SYNPO2: variants seen among roughly 807,000 people sequenced by gnomAD.
SYNPO2 encodes the protein synaptopodin-2.
SYNPO2 carries 56 observed loss-of-function variants against 85.0 expected under a neutral mutation model. The ratio of observed to expected loss-of-function variants is 0.66; its 90% confidence interval spans 0.53 to 0.82. The LOEUF (loss-of-function observed/expected upper bound fraction) is 0.82. Ranked by LOEUF, SYNPO2 falls within the 40% of genes least tolerant of loss-of-function variation. The probability of loss-of-function intolerance (pLI) is 0.00; values close to 1 mark genes in which losing one functional copy is unlikely to be tolerated. For synonymous variants in SYNPO2, 602 were observed against 591.1 expected, an observed-to-expected ratio of 1.02 and a Z score of -0.27; for missense variants, 1,575 against 1,534.2, an observed-to-expected ratio of 1.03 and a Z score of -0.44.
At chr4:118,900,729 ATATG>A (rs1430188555) in intron 1 of SYNPO2, among the ~76,000 whole-genome samples, 3 of 93,956 alleles carry the variant, frequency 3.2e-5, no homozygotes, top group African/African-American at 7.8e-5. Flanking sequence ...ATATATATAT[ATATG>A]TCTGTCTGTC....
rs765339636 is a variant in SYNPO2 at position 119,057,642 on chromosome 4, G to A, written c.3494G>A (p.Arg1165Gln). 16 of 1,613,976 alleles carry A rather than the reference G, an allele frequency of 9.9e-6. No homozygotes were observed. Among genetic ancestry groups the A allele is most frequent in the South Asian group, 6.6e-5 (6 of 91,070 alleles). The stretch of plus-strand genomic sequence containing the variant: ...GTGGCAAATGTGGTTTCAGCAGCTC[G>A]GAGGAAGGTGCTTCCAGGGCCTCCA... ...SIVANVVSAA[R>Q]RKVLPGPPED... The change falls in exon 5 of 5, where the codon CGG (arginine) becomes CAG (glutamine). Residue 1165 changes from arginine (R) to glutamine (Q), a missense_variant. Physicochemically the swap from Arg to Gln is conservative, Grantham distance 43. This residue lies in a region of SYNPO2 where 1,508 missense variants were observed against 1,446.8 expected (regional missense o/e 1.04). Transcript: ENST00000307142.
chr4:118,988,314 T>C (rs909330961), intron 1 of SYNPO2, among the ~76,000 whole-genome samples: 7 of 139,688 alleles, frequency 5.0e-5, no homozygotes, highest in Non-Finnish European at 9.5e-5. Context: ...AATTTAGTGT[T>C]TTTTTTTTTT....
At chr4:118,971,017 G>A (rs1735521107) in intron 1 of SYNPO2, among the ~76,000 whole-genome samples, 1 of 152,092 alleles carries the variant, frequency 6.6e-6, no homozygotes, top group South Asian at 2.1e-4. Flanking sequence ...CACTCTCTGG[G>A]GTGGCAAAAA....
intron 4 of SYNPO2, among the ~76,000 whole-genome samples, chr4:119,047,820 G>T (rs1263491211): frequency 6.6e-6 from 1 of 152,186 alleles, no homozygotes; most frequent in Non-Finnish European, 1.5e-5. Context: ...ATTAGAGCTG[G>T]GAGGGACTCT....
chr4:118,965,691 G>A (rs1735286545), intron 1 of SYNPO2, among the ~76,000 whole-genome samples: 1 of 152,012 alleles, frequency 6.6e-6, no homozygotes, highest in Admixed American at 6.6e-5. Context: ...TATGTATCAG[G>A]CACTATTATC....
chr4:119,027,338 G>T lies in SYNPO2; in HGVS notation c.969G>T (p.Leu323=). 1 of 1,614,046 alleles carries T rather than the reference G, an allele frequency of 6.2e-7. No individual in the cohort carries two copies. The highest frequency in any genetic ancestry group is 1.7e-4 in the Middle Eastern group (1 of 6,050). Residue 323 remains leucine, a synonymous_variant, in exon 3 of 5, where the codon CTG becomes CTT. Transcript: ENST00000307142. The part of the protein sequence containing the change: ...EGGQSEAPPS[L]VSFAVSSEGT... Reference sequence around the variant, plus strand: ...GGCAGTCAGAAGCACCTCCTTCTCTGGTATCCTTTGCCGTCTCATCAGAAG... The same window carrying T: ...GGCAGTCAGAAGCACCTCCTTCTCTTGTATCCTTTGCCGTCTCATCAGAAG...
At chr4:118,877,465 A>T (rs1578512411) in intron 1 of SYNPO2, among the ~76,000 whole-genome samples, 3 of 152,362 alleles carry the variant, frequency 2.0e-5, no homozygotes, top group Middle Eastern at 6.8e-3. Context: ...TATGCATCTG[A>T]CAAAGGTCTA....
At chr4:118,953,689 T>G (rs1327327962) in intron 1 of SYNPO2, among the ~76,000 whole-genome samples, 7 of 152,134 alleles carry the variant, frequency 4.6e-5, no homozygotes, top group Admixed American at 4.6e-4. Flanking sequence ...ATCTGTTACA[T>G]TTTCATAATT....
At chr4:119,007,307 C>CATATATATAT (rs1560972838) in intron 1 of SYNPO2, among the ~76,000 whole-genome samples, 6 of 59,890 alleles carry the variant, frequency 1.0e-4, no homozygotes, top group Non-Finnish European at 9.9e-5. Context: ...TGTATATACA[C>CATATATATAT]GCACATATAG....
intron 1 of SYNPO2, among the ~76,000 whole-genome samples, chr4:119,009,254 G>T (rs551507660): frequency 1.3e-5 from 2 of 152,266 alleles, no homozygotes; most frequent in South Asian, 2.1e-4. Context: ...TTTACACATA[G>T]GTAGTCAGTT....
At chr4:118,860,270 G>T (rs1731585534) in intron 1 of SYNPO2, among the ~76,000 whole-genome samples, 1 of 152,086 alleles carries the variant, frequency 6.6e-6, no homozygotes. Context: ...TTGAGACAGG[G>T]TCTCACTCTG....
intron 1 of SYNPO2, among the ~76,000 whole-genome samples, chr4:118,934,871 T>C (rs975251488): frequency 1.3e-5 from 2 of 152,202 alleles, no homozygotes; most frequent in Non-Finnish European, 2.9e-5. Context: ...CTGTCTTATA[T>C]TGAACATAAA....
intron 1 of SYNPO2, among the ~76,000 whole-genome samples, chr4:118,976,551 C>G (rs1032308216): frequency 1.3e-5 from 2 of 152,106 alleles, no homozygotes; most frequent in African/African-American, 4.8e-5. Context: ...TTGGTAGAGC[C>G]GAGTGGCCTG....
chr4:118,920,301 G>A (rs1026793772), intron 1 of SYNPO2, among the ~76,000 whole-genome samples: 1 of 152,138 alleles, frequency 6.6e-6, no homozygotes, highest in Non-Finnish European at 1.5e-5. Context: ...TTTGCTGAAG[G>A]ACAGCCAGGG....
Position 119,030,179 on chromosome 4 carries a change from G to A in SYNPO2, c.1404G>A (p.Leu468=). The A allele has an allele frequency of 6.2e-7, 1 of 1,614,132 alleles. No homozygotes were observed. Among genetic ancestry groups the A allele is most frequent in the Non-Finnish European group, 8.5e-7 (1 of 1,180,010 alleles). The stretch of plus-strand genomic sequence containing the variant: ...TGAACTTTGACTGGGATTCTGGACT[G>A]GTGGACATTGAAAAGAAACTGAACA... ...QVVNFDWDSG[L]VDIEKKLNRG... Residue 468 remains leucine, a synonymous_variant, in exon 4 of 5, where the codon CTG becomes CTA. Transcript: ENST00000307142.
chr4:119,048,082 A>G (rs1738925416), intron 4 of SYNPO2, among the ~76,000 whole-genome samples: 1 of 152,182 alleles, frequency 6.6e-6, no homozygotes, highest in Admixed American at 6.5e-5. Flanking sequence ...ACTTCCACTG[A>G]CCTGAATGCA....
At chr4:118,894,397 G>A (rs11726235) in intron 1 of SYNPO2, among the ~76,000 whole-genome samples, 15,013 of 152,108 alleles carry the variant, frequency 0.099, 992 homozygotes, top group East Asian at 0.18. Context: ...AGGAGGTATT[G>A]GGAAGCTCCA....
chr4:118,859,152 G>A (rs1269851607), intron 1 of SYNPO2, among the ~76,000 whole-genome samples: 1 of 152,194 alleles, frequency 6.6e-6, no homozygotes, highest in Non-Finnish European at 1.5e-5. Flanking sequence ...GTATCAATGT[G>A]CTAAATCAAC....
chr4:118,927,705 TA>T (rs1733763613), intron 1 of SYNPO2, among the ~76,000 whole-genome samples: 1 of 97,432 alleles, frequency 1.0e-5, no homozygotes, highest in South Asian at 3.2e-4. Flanking sequence ...ATGAGATAGA[TA>T]GATAGATAGA....
Sources: allele counts gnomAD v4.1 joint callset (sites outside exome capture counted in the v4.1 genomes callset), GRCh38; gene constraint gnomAD v4.1.1; regional missense constraint gnomAD v4.1.1; transcripts MANE v1.5; gene names NCBI Gene and HGNC (gene_info 2026-07-23, HGNC 2026-07-21).